TTC28: variants seen among roughly 807,000 people sequenced by gnomAD.
TTC28 encodes tetratricopeptide repeat protein 28.
Under a neutral mutation model 198.0 loss-of-function variants are expected in TTC28, and 61 were observed. The ratio of observed to expected loss-of-function variants is 0.31; its 90% CI spans 0.25 to 0.38. The LOEUF is 0.38. Ranked by LOEUF, TTC28 falls within the 10% of genes least tolerant of loss-of-function variation. The pLI, the probability that TTC28 is intolerant of heterozygous loss-of-function variation, is 1.00. For synonymous variants in TTC28, 1,171 were observed against 1,297.8 expected (o/e 0.90, Z 2.10); for missense variants, 2,678 against 3,164.0 (o/e 0.85, Z 3.69).
chr22:28,606,147 G>A (rs1012148972), intron 2 of TTC28, among the ~76,000 whole-genome samples: 1 of 150,134 alleles, frequency 6.7e-6, no homozygotes. Flanking sequence ...GCAATGGCAC[G>A]ATCTCGGCTC....
At chr22:28,387,519 CTT>C (rs948865401) in intron 2 of TTC28, among the ~76,000 whole-genome samples, 1 of 152,136 alleles carries the variant, frequency 6.6e-6, no homozygotes, top group Non-Finnish European at 1.5e-5. Flanking sequence ...TTTCCTGACT[CTT>C]TAATGATTGC....
intron 1 of TTC28, among the ~76,000 whole-genome samples, chr22:28,649,942 T>A (rs60693420): frequency 2.6e-5 from 4 of 152,058 alleles, no homozygotes; most frequent in African/African-American, 9.7e-5. Flanking sequence ...TCTGAACTTA[T>A]TGGTACTGTC....
Position 27,982,920 on chromosome 22 carries a change from A to G in TTC28, c.6747T>C (p.Tyr2249=). The change falls in exon 23 of 23, where the codon TAT becomes TAC. Residue 2249 remains tyrosine, a synonymous_variant. Coordinates refer to ENST00000397906, the MANE Select transcript of TTC28 (RefSeq NM_001145418.2). This position sits in a 1 kb window ranked among gnomAD's most constrained non-coding sequence, Gnocchi z 5.2. ...SSSLPKVSSG[Y]SSPTTSEMSI... Reference sequence around the variant, plus strand: ...ACATCTCTGAGGTGGTGGGGCTGCTATATCCGGAACTCACCTTGGGCAGGG... The same window carrying G: ...ACATCTCTGAGGTGGTGGGGCTGCTGTATCCGGAACTCACCTTGGGCAGGG... 1 of 1,551,604 alleles carries G rather than the reference A, an allele frequency of 6.4e-7. No individual in the cohort carries two copies. The highest frequency in any genetic ancestry group is 8.7e-7 in the Non-Finnish European group (1 of 1,146,990).
At position 27,992,524 on chromosome 22, in the gene TTC28, G is replaced by A. The variant is rs1262343919; in HGVS notation, c.5553+63C>T. On this transcript the variant is annotated intron_variant, in intron 19 of 22. Coordinates refer to ENST00000397906, the MANE Select transcript of TTC28 (RefSeq NM_001145418.2). ...ACAGGTTCCTATTTAGGGCCAAGTT[G>A]CTCTGCCTTTCCAAATCAGCATGGG... 9.2e-6 allele frequency: 14 copies of A among 1,514,350 alleles called. No individual in the cohort carries two copies. In the Admixed American group the frequency reaches 2.3e-4, roughly 25 times the overall value. 93.8% of individuals were successfully genotyped at this position (1,514,350 alleles called of 1,614,324 possible). A position where few individuals can be genotyped will look rare whatever the true frequency, so the allele number is the denominator to read the frequency against.
Position 28,530,244 on chromosome 22 carries a change from T to A in TTC28, c.381+99308A>T, listed in dbSNP as rs2049103182. ...CCTGATGGAGCTGAAAACCATGGCA[T>A]GAGAACTACGTGACACATGCACAAG... On this transcript the variant is annotated intron_variant, in intron 2 of 22. Transcript: ENST00000397906. Among the ~76,000 whole-genome samples the A allele has an allele frequency of 2.0e-5, 3 of 152,056 alleles. No individual in the cohort carries two copies. In the South Asian group the frequency reaches 6.2e-4, roughly 31 times the overall value.
At chr22:28,624,267 A>G (rs1019862317) in intron 2 of TTC28, among the ~76,000 whole-genome samples, 1 of 152,116 alleles carries the variant, frequency 6.6e-6, no homozygotes, top group Non-Finnish European at 1.5e-5. Flanking sequence ...AGCCCCAGCT[A>G]CTCAGGAGGC....
At chr22:28,648,247 C>T (rs1276433222) in intron 1 of TTC28, among the ~76,000 whole-genome samples, 1 of 146,284 alleles carries the variant, frequency 6.8e-6, no homozygotes, top group South Asian at 2.1e-4. Context: ...AAAAAATGCT[C>T]GACATCAGTA....
At chr22:28,058,088 G>A (rs184044992) in intron 12 of TTC28, among the ~76,000 whole-genome samples, 1 of 151,778 alleles carries the variant, frequency 6.6e-6, no homozygotes, top group East Asian at 1.9e-4. Context: ...TATCAGAAAT[G>A]CTTCTTTTTT....
At chr22:28,531,021 T>C (rs552913860) in intron 2 of TTC28, among the ~76,000 whole-genome samples, 3 of 152,284 alleles carry the variant, frequency 2.0e-5, no homozygotes, top group East Asian at 1.9e-4. Flanking sequence ...AATAACCAGC[T>C]GACATCATAA....
intron 2 of TTC28, among the ~76,000 whole-genome samples, chr22:28,464,950 T>C (rs1310113745): frequency 2.0e-5 from 3 of 152,208 alleles, no homozygotes; most frequent in Non-Finnish European, 4.4e-5. Context: ...TGACCTGATA[T>C]TGTGGTCTTT....
intron 1 of TTC28, among the ~76,000 whole-genome samples, chr22:28,634,591 T>A (rs370171099): frequency 2.0e-5 from 3 of 149,048 alleles, no homozygotes; most frequent in Non-Finnish European, 4.5e-5. Flanking sequence ...TTCTTTTTTT[T>A]CTTTTTTTTT....
intron 12 of TTC28, among the ~76,000 whole-genome samples, chr22:28,034,960 A>G (rs907607273): frequency 6.6e-6 from 1 of 152,224 alleles, no homozygotes; most frequent in Non-Finnish European, 1.5e-5. Flanking sequence ...GAAATGGCTC[A>G]TGAATCAAGC....
At chr22:28,489,107 G>A (rs2048344657) in intron 2 of TTC28, among the ~76,000 whole-genome samples, 1 of 151,962 alleles carries the variant, frequency 6.6e-6, no homozygotes, top group Non-Finnish European at 1.5e-5. Context: ...AATAAAGCAA[G>A]ACCTTGTCTT....
Position 28,426,388 on chromosome 22 carries a change from C to G in TTC28, c.382-119745G>C, listed in dbSNP as rs1001927867. On this transcript the variant is annotated intron_variant, in intron 2 of 22. Coordinates refer to ENST00000397906, the MANE Select transcript of TTC28 (RefSeq NM_001145418.2). ...ACTTAAAATGCCAAGGTTAACAAAA[C>G]TAAACAATATTTAAACACACACAAA... 7.2e-5 allele frequency among the ~76,000 whole-genome samples: 11 copies of G among 152,214 alleles called. No individual in the cohort carries two copies. In the East Asian group the frequency reaches 9.6e-4, roughly 13 times the overall value.
At chr22:28,492,004 G>C (rs1374752005) in intron 2 of TTC28, among the ~76,000 whole-genome samples, 1 of 151,520 alleles carries the variant, frequency 6.6e-6, no homozygotes, top group South Asian at 2.1e-4. Context: ...GCAAACTATC[G>C]CAAGGACAAA....
chr22:28,174,970 T>C (rs1248068262), intron 5 of TTC28, among the ~76,000 whole-genome samples: 2 of 151,268 alleles, frequency 1.3e-5, no homozygotes, highest in African/African-American at 4.9e-5. Context: ...CATGTACCTA[T>C]AGCCAACTGA....
chr22:28,216,657 T>C (rs134170), intron 5 of TTC28, among the ~76,000 whole-genome samples: 22,058 of 152,136 alleles, frequency 0.14, 1,976 homozygotes, highest in East Asian at 0.27. Flanking sequence ...GGTGCAGCAA[T>C]ATCATAGTCA....
intron 6 of TTC28, among the ~76,000 whole-genome samples, chr22:28,114,276 T>C (rs765777452): frequency 1.1e-4 from 16 of 152,224 alleles, no homozygotes; most frequent in East Asian, 1.9e-4. Flanking sequence ...AGGTTTTCCA[T>C]AGGACCCATA....
chr22:28,253,759 C>A (rs184411862), intron 5 of TTC28, among the ~76,000 whole-genome samples: 1 of 152,182 alleles, frequency 6.6e-6, no homozygotes, highest in East Asian at 1.9e-4. Flanking sequence ...GATCAAAGGG[C>A]AGGTTTCCTA....
Sources: gnomAD v4.1 joint callset for allele counts (sites outside exome capture counted in the v4.1 genomes callset) on GRCh38, gnomAD v4.1.1 for gene constraint, Gnocchi (gnomAD v3.1) non-coding constraint, MANE v1.5 for transcripts, NCBI Gene and HGNC (gene_info 2026-07-23, HGNC 2026-07-21) for gene names.